The following EYS variants were observed in gnomAD, a reference collection of about 807,000 sequenced individuals.
EYS encodes the protein protein eyes shut homolog.
EYS carries 250 observed loss-of-function variants against 282.1 expected under a neutral mutation model. That is an observed-to-expected ratio of 0.89 (90% CI 0.80 to 0.98). The LOEUF (loss-of-function observed/expected upper bound fraction) is 0.98, where lower values mean the gene tolerates loss of function less well. EYS is among the 50% of genes least tolerant of loss of function. EYS has a pLI of 0.00. For missense variants in EYS, 4,016 were observed against 3,709.0 expected (o/e 1.08, Z -2.15); for synonymous variants, 1,355 against 1,282.9 (o/e 1.06, Z -1.20).
chr6:64,431,724 A>T (rs540504123), intron 28 of EYS, among the ~76,000 whole-genome samples: 1 of 152,238 alleles, frequency 6.6e-6, no homozygotes, highest in East Asian at 1.9e-4. Flanking sequence ...CCTGACTACC[A>T]CTGCATTTTC....
intron 34 of EYS, among the ~76,000 whole-genome samples, chr6:63,989,861 C>T (rs1767531657): frequency 6.6e-6 from 1 of 151,308 alleles, no homozygotes; most frequent in African/African-American, 2.4e-5. Flanking sequence ...TGGCATATTG[C>T]ATAGGACAGT....
At chr6:63,862,403 G>A (rs1001190221) in intron 36 of EYS, among the ~76,000 whole-genome samples, 2 of 150,980 alleles carry the variant, frequency 1.3e-5, no homozygotes, top group Non-Finnish European at 2.9e-5. Flanking sequence ...CCGGATGGGT[G>A]CATGTAGGAA....
intron 22 of EYS, among the ~76,000 whole-genome samples, chr6:64,659,678 T>A (rs1481339009): frequency 6.6e-6 from 1 of 152,066 alleles, no homozygotes; most frequent in East Asian, 1.9e-4. Context: ...CTCCCAAGAC[T>A]AAACCAGGAA....
chr6:64,519,438 AGAG>A (rs1428282154), intron 26 of EYS, among the ~76,000 whole-genome samples: 2 of 151,956 alleles, frequency 1.3e-5, no homozygotes, highest in African/African-American at 4.8e-5. Context: ...TGTTGAATGA[AGAG>A]GAGAAAACAC....
At position 64,946,058 on chromosome 6, in the gene EYS, C is replaced by G. The variant is rs964877614; in HGVS notation, c.2260-144G>C. On this transcript the variant is annotated intron_variant, in intron 14 of 42. Coordinates refer to ENST00000503581, the MANE Select transcript of EYS (RefSeq NM_001142800.2). The stretch of plus-strand genomic sequence containing the variant: ...GAATGCCAATACTCCCCCCAAATGA[C>G]TTTTACCACATTTTTAAAAGCGTGT... 2.8e-5 allele frequency: 16 copies of G among 581,068 alleles called. No individual in the cohort carries two copies. In the African/African-American group the frequency reaches 3.0e-4, roughly 11 times the overall value. 36.0% of individuals were successfully genotyped at this position (581,068 alleles called of 1,614,324 possible). A position where few individuals can be genotyped will look rare whatever the true frequency, so the allele number is the denominator to read the frequency against.
intron 11 of EYS, among the ~76,000 whole-genome samples, chr6:65,305,279 G>A (rs1186809492): frequency 6.6e-6 from 1 of 152,198 alleles, no homozygotes; most frequent in Non-Finnish European, 1.5e-5. Flanking sequence ...TCCTTGAGGT[G>A]TTTGTCAGTT....
At chr6:65,411,963 C>T (rs1025956605) in intron 5 of EYS, among the ~76,000 whole-genome samples, 1 of 151,850 alleles carries the variant, frequency 6.6e-6, no homozygotes, top group African/African-American at 2.4e-5. Context: ...TTTGTGTCCC[C>T]CACATATTAT....
At chr6:65,423,779 C>G (rs931181356) in intron 5 of EYS, among the ~76,000 whole-genome samples, 2 of 151,920 alleles carry the variant, frequency 1.3e-5, no homozygotes, top group Non-Finnish European at 2.9e-5. Context: ...CGCTTCTATT[C>G]TTTCATAATA....
intron 22 of EYS, among the ~76,000 whole-genome samples, chr6:64,771,103 A>C (rs777883849): frequency 6.6e-6 from 1 of 151,612 alleles, no homozygotes; most frequent in Non-Finnish European, 1.5e-5. Flanking sequence ...CCATAATCTC[A>C]TTCTCTTTAA....
chr6:64,116,763 C>T (rs1023342507), intron 31 of EYS, among the ~76,000 whole-genome samples: 4 of 151,966 alleles, frequency 2.6e-5, no homozygotes, highest in Non-Finnish European at 5.9e-5. Flanking sequence ...AAAGTAAGAG[C>T]AGAGGTGTTT....
chr6:64,086,978 A>G (rs1313836329), intron 31 of EYS, among the ~76,000 whole-genome samples: 1 of 152,148 alleles, frequency 6.6e-6, no homozygotes, highest in East Asian at 1.9e-4. Flanking sequence ...AAAGCCATAT[A>G]CCAATCAAGT....
intron 30 of EYS, among the ~76,000 whole-genome samples, chr6:64,257,236 T>C (rs1251120278): frequency 2.0e-5 from 3 of 152,044 alleles, no homozygotes; most frequent in African/African-American, 4.8e-5. Flanking sequence ...CTCCAACTTA[T>C]ACAATAAAGC....
At chr6:64,102,376 GCA>G (rs553607974) in intron 31 of EYS, among the ~76,000 whole-genome samples, 20 of 152,068 alleles carry the variant, frequency 1.3e-4, no homozygotes, top group African/African-American at 4.6e-4. Flanking sequence ...GTGAATTTTG[GCA>G]GACTTTTCTG....
chr6:64,153,566 A>G (rs1364382806), intron 31 of EYS, among the ~76,000 whole-genome samples: 1 of 152,232 alleles, frequency 6.6e-6, no homozygotes, highest in African/African-American at 2.4e-5. Flanking sequence ...TTTCAACTTC[A>G]TAAGTTATTA....
At chr6:64,800,011 C>T (rs1307247312) in intron 22 of EYS, among the ~76,000 whole-genome samples, 1 of 151,930 alleles carries the variant, frequency 6.6e-6, no homozygotes. Context: ...ATCCTTTTAT[C>T]TTCCAATATA....
At chr6:64,934,815 C>A (rs1016587525) in intron 15 of EYS, among the ~76,000 whole-genome samples, 36 of 151,700 alleles carry the variant, frequency 2.4e-4, no homozygotes, top group African/African-American at 8.5e-4. Context: ...TAATTATTCA[C>A]ACATAAAAAT....
chr6:64,667,810 T>G (rs114629126), intron 22 of EYS, among the ~76,000 whole-genome samples: 1,674 of 152,206 alleles, frequency 0.011, 36 homozygotes, highest in African/African-American at 0.039. Flanking sequence ...CACAAATATA[T>G]GATAATAAAA....
intron 37 of EYS, among the ~76,000 whole-genome samples, chr6:63,799,862 T>G (rs1770741686): frequency 6.6e-6 from 1 of 152,166 alleles, no homozygotes; most frequent in East Asian, 1.9e-4. Flanking sequence ...GAGTAGGTAC[T>G]GGGAGAGGTA....
chr6:64,407,215 G>C (rs548918704), intron 28 of EYS, among the ~76,000 whole-genome samples: 2 of 151,688 alleles, frequency 1.3e-5, no homozygotes, highest in East Asian at 3.9e-4. Flanking sequence ...ACCAAACACT[G>C]CATGTTCTCA....
Sources: allele counts gnomAD v4.1 joint callset (sites outside exome capture counted in the v4.1 genomes callset), GRCh38; gene constraint gnomAD v4.1.1; transcripts MANE v1.5; gene names NCBI Gene and HGNC (gene_info 2026-07-23, HGNC 2026-07-21).